MYOM2: variants seen among roughly 807,000 people sequenced by gnomAD.
The protein encoded by MYOM2 is myomesin-2.
A neutral mutation model predicts 187.6 loss-of-function variants in MYOM2; 254 were observed. The ratio of observed to expected loss-of-function variants is 1.35; its 90% CI spans 1.22 to 1.50. The LOEUF is 1.50. Among genes scored for constraint, MYOM2 ranks in the 40% most tolerant of loss-of-function variants. MYOM2 has a pLI of 0.00. For synonymous variants in MYOM2, 981 were observed against 753.8 expected (o/e 1.30, Z -4.94); for missense variants, 2,796 against 1,924.0 (o/e 1.45, Z -8.48).
At position 2,099,390 on chromosome 8, in the gene MYOM2, G is replaced by T. The variant is rs933490735; in HGVS notation, c.2440+407G>T. On this transcript the variant is annotated intron_variant, in intron 19 of 36. Coordinates refer to ENST00000262113, the MANE Select transcript of MYOM2 (RefSeq NM_003970.4). ...AAGGTGCGAGCCCCGGCCCCAGCTG[G>T]GAGGCGCGACAGGGTTCTCATTCGT... Among the ~76,000 whole-genome samples, 8 of 152,106 alleles carry T rather than the reference G, an allele frequency of 5.3e-5. 1 individual carries two copies. The highest frequency in any genetic ancestry group is 4.6e-4 in the Admixed American group (7 of 15,276).
At chr8:2,138,722 C>T (rs912679919) in intron 32 of MYOM2, among the ~76,000 whole-genome samples, 6 of 151,912 alleles carry the variant, frequency 3.9e-5, no homozygotes, top group Admixed American at 1.3e-4. Context: ...GTTCCAAAGT[C>T]GCTTCAGTAG....
At chr8:2,099,536 G>C (rs1226171375) in intron 19 of MYOM2, among the ~76,000 whole-genome samples, 2 of 152,164 alleles carry the variant, frequency 1.3e-5, no homozygotes, top group African/African-American at 2.4e-5. Context: ...CGGGGCTTCT[G>C]CTTCTAAAAG....
At chr8:2,061,599 G>C (rs562683906) in intron 6 of MYOM2, among the ~76,000 whole-genome samples, 3 of 152,290 alleles carry the variant, frequency 2.0e-5, no homozygotes, top group South Asian at 4.1e-4. Flanking sequence ...GGGTCCACCA[G>C]CTCCTCTGTG....
At chr8:2,060,866 G>GT (rs1342537009) in intron 6 of MYOM2, among the ~76,000 whole-genome samples, 4 of 152,162 alleles carry the variant, frequency 2.6e-5, no homozygotes, top group Non-Finnish European at 4.4e-5. Flanking sequence ...TTCTTGCTCT[G>GT]GGGGAGAGAA....
chr8:2,120,675 T>TATATAGA (rs1220891042), intron 28 of MYOM2, among the ~76,000 whole-genome samples: 2 of 41,422 alleles, frequency 4.8e-5, no homozygotes, highest in African/African-American at 6.8e-5. Context: ...TATATATATA[T>TATATAGA]TATATTATAT....
Position 2,118,060 on chromosome 8 carries a change from C to T in MYOM2, c.3453+108C>T, listed in dbSNP as rs190855397. ...CAGATCTGTGATGCTGGTGAGGAAA[C>T]GTGTGGTGCCTGTGTAGCTGCGGAT... On this transcript the variant is annotated intron_variant, in intron 28 of 36. Transcript: ENST00000262113. The T allele has an allele frequency of 8.6e-5, 80 of 927,668 alleles. 1 individual carries two copies. The Admixed American group carries it at 1.3e-3, about 15-fold the overall frequency. The allele number at this position is 927,668 out of a possible 1,614,324, so 57.5% of individuals were successfully genotyped here.
intron 15 of MYOM2, among the ~76,000 whole-genome samples, chr8:2,090,546 T>C (rs1484972649): frequency 1.3e-5 from 2 of 152,172 alleles, no homozygotes; most frequent in Non-Finnish European, 2.9e-5. Context: ...TGGGGGTTTG[T>C]TGTAAAGATT....
chr8:2,057,865 T>C, intron 5 of MYOM2, 85 bp downstream of exon 5: 1 of 1,470,276 alleles, frequency 6.8e-7, no homozygotes, highest in Non-Finnish European at 9.2e-7. Flanking sequence ...CAAACGCCAT[T>C]GAACCTGTGC....
chr8:2,045,764 C>T (rs1454404966), intron 1 of MYOM2, among the ~76,000 whole-genome samples: 1 of 152,216 alleles, frequency 6.6e-6, no homozygotes, highest in Admixed American at 6.5e-5. Context: ...CTTCAGACTT[C>T]TTCAGCTCCA....
intron 1 of MYOM2, among the ~76,000 whole-genome samples, chr8:2,048,559 A>ACCAGGG (rs140842274): frequency 0.11 from 17,128 of 152,070 alleles, 1,954 homozygotes; most frequent in African/African-American, 0.29. Flanking sequence ...CGATTTCGGT[A>ACCAGGG]CCAGGGCCAG....
At position 2,073,632 on chromosome 8, in the gene MYOM2, T is replaced by C. The variant is rs573113800; in HGVS notation, c.1120+132T>C. The C allele has an allele frequency of 1.1e-5, 12 of 1,109,344 alleles. No homozygotes were observed. In the African/African-American group the frequency reaches 1.7e-4, roughly 16 times the overall value. The allele number at this position is 1,109,344 out of a possible 1,614,324, so 68.7% of individuals were successfully genotyped here. On this transcript the variant is annotated intron_variant, in intron 10 of 36. Transcript: ENST00000262113. ...ACCACTTTGCTCCTTGGAGACCCCATGCGGCCCCGATTTTCCCTCAGTGCA... is the reference window on the plus strand; with the variant it reads ...ACCACTTTGCTCCTTGGAGACCCCACGCGGCCCCGATTTTCCCTCAGTGCA...
chr8:2,100,649 G>A (rs531569744), intron 19 of MYOM2: 58 of 560,728 alleles, frequency 1.0e-4, no homozygotes, highest in East Asian at 7.2e-4. Flanking sequence ...ATGATTCTAC[G>A]TAGATCCACG....
intron 31 of MYOM2, among the ~76,000 whole-genome samples, chr8:2,125,710 C>T (rs1585951012): frequency 7.1e-6 from 1 of 140,630 alleles, no homozygotes; most frequent in Non-Finnish European, 1.5e-5. Flanking sequence ...TGGGTTCAAG[C>T]GATTTTCCTA....
chr8:2,065,662 C>G (rs1006602361), intron 6 of MYOM2, among the ~76,000 whole-genome samples: 4 of 152,162 alleles, frequency 2.6e-5, no homozygotes, highest in African/African-American at 7.2e-5. Flanking sequence ...CTATTCTTCT[C>G]ATTGCCCAAT....
chr8:2,140,353 A>G (rs1396316832), intron 32 of MYOM2, among the ~76,000 whole-genome samples: 5 of 147,798 alleles, frequency 3.4e-5, no homozygotes, highest in East Asian at 4.0e-4. Context: ...GTGTGACAAT[A>G]TCTCTCCAAG....
intron 6 of MYOM2, among the ~76,000 whole-genome samples, chr8:2,064,542 G>A (rs371753494): frequency 3.9e-5 from 6 of 152,138 alleles, no homozygotes; most frequent in African/African-American, 1.2e-4. Flanking sequence ...TTTTGCAGTC[G>A]CTGCGGGAGG....
At chr8:2,089,629 C>A (rs533861047) in intron 14 of MYOM2, among the ~76,000 whole-genome samples, 1 of 152,128 alleles carries the variant, frequency 6.6e-6, no homozygotes. Context: ...AATTGAAATG[C>A]GAACCACTGA....
chr8:2,126,809 G>T (rs1213002839), intron 31 of MYOM2, among the ~76,000 whole-genome samples: 20 of 132,630 alleles, frequency 1.5e-4, no homozygotes, highest in African/African-American at 5.3e-4. Context: ...ACTGGGGGAG[G>T]CTGATAAAGT....
chr8:2,055,797 C>G (rs759991509), intron 3 of MYOM2, among the ~76,000 whole-genome samples: 1 of 152,204 alleles, frequency 6.6e-6, no homozygotes, highest in Non-Finnish European at 1.5e-5. Flanking sequence ...CGCCAACCTG[C>G]AGCGGGTCTC....
Sources: gnomAD v4.1 joint callset for allele counts (sites outside exome capture counted in the v4.1 genomes callset) on GRCh38, gnomAD v4.1.1 for gene constraint, MANE v1.5 for transcripts, NCBI Gene and HGNC (gene_info 2026-07-23, HGNC 2026-07-21) for gene names.